Variants in DOCK10 observed in about 807,000 individuals in gnomAD.
DOCK10 encodes the protein dedicator of cytokinesis 10, also known as dedicator of cytokinesis protein 10.
In DOCK10, 145 loss-of-function variants were observed where a neutral mutation model predicts 280.1. That is an observed-to-expected ratio of 0.52 (90% CI 0.45 to 0.59). The LOEUF (loss-of-function observed/expected upper bound fraction) is 0.59, where lower values mean the gene tolerates loss of function less well. DOCK10 is among the 20% of genes least tolerant of loss of function. DOCK10 has a pLI of 0.00. For missense variants in DOCK10, 2,368 were observed against 2,651.7 expected (o/e 0.89, Z 2.35); for synonymous variants, 915 against 942.2 (o/e 0.97, Z 0.53).
At chr2:224,895,684 T>G (rs1699934518) in intron 4 of DOCK10, among the ~76,000 whole-genome samples, 1 of 152,100 alleles carries the variant, frequency 6.6e-6, no homozygotes, top group Non-Finnish European at 1.5e-5. Context: ...AATTTCTATT[T>G]TTGTTCAGGT....
intron 1 of DOCK10, among the ~76,000 whole-genome samples, chr2:225,018,552 AAT>A (rs1346263105): frequency 1.1e-4 from 1 of 9,518 alleles, no homozygotes; most frequent in African/African-American, 2.0e-4. Flanking sequence ...ATATATATAT[AAT>A]ATATATGTAA....
intron 40 of DOCK10, 128 bp from the exon 41 acceptor site, chr2:224,800,391 G>A: frequency 1.8e-6 from 1 of 549,714 alleles, no homozygotes; most frequent in Non-Finnish European, 3.2e-6. Flanking sequence ...TTAAATCAAA[G>A]TGTTTTTGTT....
chr2:224,771,694 A>T (rs6712617), intron 53 of DOCK10, among the ~76,000 whole-genome samples: 1 of 152,052 alleles, frequency 6.6e-6, no homozygotes, highest in Non-Finnish European at 1.5e-5. Flanking sequence ...CCAGTGTGGC[A>T]GATGCAGTCA....
intron 3 of DOCK10, among the ~76,000 whole-genome samples, chr2:224,914,357 G>A (rs926164167): frequency 2.0e-5 from 3 of 152,108 alleles, no homozygotes; most frequent in African/African-American, 7.2e-5. Flanking sequence ...AAGAAAACAA[G>A]AGCCAAATTT....
intron 19 of DOCK10, among the ~76,000 whole-genome samples, chr2:224,845,958 A>G (rs1696322828): frequency 6.6e-6 from 1 of 152,148 alleles, no homozygotes; most frequent in African/African-American, 2.4e-5. Context: ...TCCTGACCTC[A>G]AGTGATCCGC....
chr2:224,998,621 A>G (rs1475786574), intron 1 of DOCK10, among the ~76,000 whole-genome samples: 1 of 151,996 alleles, frequency 6.6e-6, no homozygotes, highest in African/African-American at 2.4e-5. Context: ...CACATATACA[A>G]CTTTCTTCAA....
chr2:224,950,772 A>G (rs1703686086), intron 1 of DOCK10, among the ~76,000 whole-genome samples: 1 of 152,252 alleles, frequency 6.6e-6, no homozygotes, highest in Non-Finnish European at 1.5e-5. Flanking sequence ...TCATGAAAAT[A>G]ACTAAATTTA....
At chr2:225,016,273 T>C (rs1300070890) in intron 1 of DOCK10, among the ~76,000 whole-genome samples, 1 of 152,136 alleles carries the variant, frequency 6.6e-6, no homozygotes, top group African/African-American at 2.4e-5. Context: ...GTTTCTGTTT[T>C]TATCTGACCT....
At chr2:224,843,125 C>T (rs1054161748) in intron 22 of DOCK10, among the ~76,000 whole-genome samples, 6 of 152,092 alleles carry the variant, frequency 3.9e-5, no homozygotes, top group Non-Finnish European at 5.9e-5. Flanking sequence ...GGGGAGTGTC[C>T]ACCCCTGTGA....
At chr2:224,831,711 G>C (rs1206555036) in intron 26 of DOCK10, among the ~76,000 whole-genome samples, 2 of 152,186 alleles carry the variant, frequency 1.3e-5, no homozygotes, top group Non-Finnish European at 2.9e-5. Flanking sequence ...AAACTGTCCA[G>C]CCTGCACATC....
chr2:224,789,412 T>C (rs986449376), intron 47 of DOCK10, among the ~76,000 whole-genome samples: 17 of 152,212 alleles, frequency 1.1e-4, no homozygotes, highest in Admixed American at 2.0e-4. Flanking sequence ...GGATTATGGA[T>C]AGAACATAAG....
chr2:224,838,106 A>C (rs997217176), intron 24 of DOCK10, among the ~76,000 whole-genome samples: 3 of 152,216 alleles, frequency 2.0e-5, no homozygotes, highest in Non-Finnish European at 2.9e-5. Context: ...ATCACAATGG[A>C]GACTTTTTGT....
intron 39 of DOCK10, among the ~76,000 whole-genome samples, chr2:224,802,568 G>A (rs1455106821): frequency 6.6e-6 from 1 of 152,112 alleles, no homozygotes; most frequent in Non-Finnish European, 1.5e-5. Flanking sequence ...GTGGGAGGTA[G>A]GTAGTTAAAG....
At chr2:224,867,901 A>G (rs1416162106) in intron 11 of DOCK10, among the ~76,000 whole-genome samples, 2 of 152,202 alleles carry the variant, frequency 1.3e-5, no homozygotes, top group African/African-American at 4.8e-5. Flanking sequence ...TGGTCATACC[A>G]TTGGCTGATA....
intron 1 of DOCK10, among the ~76,000 whole-genome samples, chr2:224,940,640 GC>G (rs35791857): frequency 6.6e-6 from 1 of 152,268 alleles, no homozygotes; most frequent in South Asian, 2.1e-4. Flanking sequence ...ATTCAGTGCA[GC>G]CCTGATCTCT....
At position 224,805,580 on chromosome 2, in the gene DOCK10, C is replaced by A; in HGVS notation, c.3815-51G>T. On this transcript the variant is annotated intron_variant, in intron 34 of 55. Transcript: ENST00000258390. This position sits in a 1 kb window ranked among gnomAD's most constrained non-coding sequence, Gnocchi z 4.3. ...TATGGGAATGAGATGTATGGGCACA[C>A]ACACACAAAAGGTTCACATGATGAA... is the stretch of plus-strand genomic sequence containing the variant. 6.2e-7 allele frequency: 1 copy of A among 1,605,896 alleles called. No individual in the cohort carries two copies. The highest frequency in any genetic ancestry group is 8.5e-7 in the Non-Finnish European group (1 of 1,176,114).
At chr2:224,937,599 G>C (rs1702761661) in intron 1 of DOCK10, among the ~76,000 whole-genome samples, 1 of 152,078 alleles carries the variant, frequency 6.6e-6, no homozygotes, top group Admixed American at 6.6e-5. Context: ...ATAAAAAAAG[G>C]ACAGCTTCTC....
chr2:224,889,365 A>T (rs939591898), intron 4 of DOCK10, among the ~76,000 whole-genome samples: 1 of 152,232 alleles, frequency 6.6e-6, no homozygotes, highest in South Asian at 2.1e-4. Context: ...CCTCACTGTT[A>T]AACTATGAAA....
chr2:224,770,473 G>A lies in DOCK10; in HGVS notation c.6305+72C>T, dbSNP rs1386259302. 3.8e-6 allele frequency: 6 copies of A among 1,571,464 alleles called. No homozygotes were observed. Among genetic ancestry groups the A allele is most frequent in the Non-Finnish European group, 4.4e-6 (5 of 1,146,218 alleles). On this transcript the variant is annotated intron_variant, in intron 54 of 55. Coordinates refer to ENST00000258390, the MANE Select transcript of DOCK10 (RefSeq NM_014689.3). This position sits in a 1 kb window ranked among gnomAD's most constrained non-coding sequence, Gnocchi z 4.5. ...CACCTCAGTGAGTTTTGGTGTGATG[G>A]ATTCTTGGGGGATTGAGGACTCCCT...
Sources: gnomAD v4.1 joint callset for allele counts (sites outside exome capture counted in the v4.1 genomes callset) on GRCh38, gnomAD v4.1.1 for gene constraint, Gnocchi (gnomAD v3.1) non-coding constraint, MANE v1.5 for transcripts, NCBI Gene and HGNC (gene_info 2026-07-23, HGNC 2026-07-21) for gene names.